Variants in LRP1 observed in about 807,000 individuals in gnomAD.
The protein encoded by LRP1 is prolow-density lipoprotein receptor-related protein 1.
Under a neutral mutation model 541.5 loss-of-function variants are expected in LRP1, and 51 were observed. The observed-to-expected ratio is 0.09, with a 90% CI of 0.08 to 0.12. LRP1 has a LOEUF of 0.12. Ranked by LOEUF, LRP1 falls within the 10% of genes least tolerant of loss-of-function variation. The probability of loss-of-function intolerance (pLI) is 1.00; values close to 1 mark genes in which losing one functional copy is unlikely to be tolerated. For synonymous variants in LRP1, 2,219 were observed against 2,470.8 expected (o/e 0.90, Z 3.02); for missense variants, 3,878 against 6,376.2 (o/e 0.61, Z 13.34).
chr12:57,172,885 G>T (rs1181838452), intron 20 of LRP1, among the ~76,000 whole-genome samples: 3 of 152,206 alleles, frequency 2.0e-5, no homozygotes, highest in Non-Finnish European at 2.9e-5. Context: ...AAGGAGGTGG[G>T]CATTTGGGCT....
intron 6 of LRP1, among the ~76,000 whole-genome samples, chr12:57,146,939 A>G (rs1315176916): frequency 6.6e-6 from 1 of 151,444 alleles, no homozygotes; most frequent in East Asian, 2.0e-4. Flanking sequence ...TTTCCTCCCC[A>G]GCCCTGCATC....
At chr12:57,166,753 C>A (rs765145226) in intron 17 of LRP1, among the ~76,000 whole-genome samples, 177 bp from the exon 18 acceptor site, 10 of 152,104 alleles carry the variant, frequency 6.6e-5, no homozygotes, top group Non-Finnish European at 1.5e-4. Context: ...CCAGAGACCC[C>A]TTGAGAGAAA....
chr12:57,208,456 T>G, intron 77 of LRP1: 1 of 598,268 alleles, frequency 1.7e-6, no homozygotes, highest in Non-Finnish European at 3.0e-6. Context: ...CCGGCTGTCA[T>G]GCACAGCCAC....
chr12:57,167,321 C>G (rs2136689008), intron 18 of LRP1, 123 bp from the exon 19 acceptor site: 1 of 759,022 alleles, frequency 1.3e-6, no homozygotes. Context: ...GCGGGGCCTT[C>G]CCCACCCTTC....
intron 11 of LRP1, 74 bp from the exon 12 acceptor site, chr12:57,159,751 C>T: frequency 6.6e-7 from 1 of 1,505,174 alleles, no homozygotes; most frequent in South Asian, 1.2e-5. Flanking sequence ...GTACCTGAGT[C>T]CGGGAGGGCC....
chr12:57,159,152 G>A (rs2035680480), intron 11 of LRP1, among the ~76,000 whole-genome samples: 1 of 152,224 alleles, frequency 6.6e-6, no homozygotes, highest in African/African-American at 2.4e-5. Context: ...TAATGTCTAT[G>A]TGAAGGATTC....
chr12:57,208,935 C>A, intron 78 of LRP1, 118 bp downstream of exon 78: 1 of 1,085,596 alleles, frequency 9.2e-7, no homozygotes, highest in Non-Finnish European at 1.4e-6. Context: ...TGGGGCAGGG[C>A]AGATTGGCCG....
chr12:57,211,039 C>T lies in LRP1; in HGVS notation c.12917-137C>T, dbSNP rs1042313114. ...GGCCCAAGCTGCTGGCGCTTCCCCA[C>T]AAAGGTGCTGGCACACTTCCCCTGA... On this transcript the variant is annotated intron_variant, in intron 83 of 88. Transcript: ENST00000243077. The surrounding 1 kb of genome is among the most constrained non-coding windows in gnomAD (Gnocchi z 4.3). 2.2e-6 allele frequency: 3 copies of T among 1,371,940 alleles called. No individual in the cohort carries two copies. 85.0% of individuals were successfully genotyped at this position (1,371,940 alleles called of 1,614,324 possible).
chr12:57,160,388 C>T (rs2035704136), intron 12 of LRP1, among the ~76,000 whole-genome samples: 1 of 152,104 alleles, frequency 6.6e-6, no homozygotes. Context: ...AAACAAGCAC[C>T]CCGGCTCCTC....
intron 33 of LRP1, 84 bp from the exon 34 acceptor site, chr12:57,181,073 C>A: frequency 6.6e-7 from 1 of 1,510,050 alleles, no homozygotes; most frequent in Non-Finnish European, 9.0e-7. Flanking sequence ...AGTGACCATC[C>A]TGTTTCTGAG....
At chr12:57,210,528 G>GCCCCCCCCCCCC in intron 82 of LRP1, 48 bp downstream of exon 82, 1 of 1,483,020 alleles carries the variant, frequency 6.7e-7, no homozygotes, top group Admixed American at 2.2e-5. Context: ...CTGGGCCCCA[G>GCCCCCCCCCCCC]CCCCGCCACC....
At chr12:57,176,997 G>A in intron 24 of LRP1, 44 bp from the exon 25 acceptor site, 1 of 1,542,266 alleles carries the variant, frequency 6.5e-7, no homozygotes, top group Non-Finnish European at 8.9e-7. Flanking sequence ...TTCATGCACA[G>A]CTCCCCAGGA....
chr12:57,164,118 C>A (rs547268622), intron 15 of LRP1, among the ~76,000 whole-genome samples: 1 of 152,198 alleles, frequency 6.6e-6, no homozygotes, highest in African/African-American at 2.4e-5. Context: ...TTGCAGTGAG[C>A]CGAGATTGTG....
chr12:57,202,087 C>A, intron 67 of LRP1, 182 bp downstream of exon 67: 4 of 726,280 alleles, frequency 5.5e-6, no homozygotes, highest in Non-Finnish European at 9.1e-6. Flanking sequence ...TTCCCCACAT[C>A]CACCCGTGCC....
rs539394560 is a variant in LRP1 at position 57,132,710 on chromosome 12, G to A, written c.67+3679G>A. ...CCCTCTCAGTTCATCTCTTACTGCC[G>A]AACCTTTGTGACATTCTCTGCCCTG... On this transcript the variant is annotated intron_variant, in intron 1 of 88. Transcript: ENST00000243077. 1.8e-4 allele frequency among the ~76,000 whole-genome samples: 27 copies of A among 152,166 alleles called. 1 individual carries two copies. Among genetic ancestry groups the A allele is most frequent in the Admixed American group, 1.7e-3 (26 of 15,290 alleles).
At chr12:57,149,368 TG>T (rs2035481302) in intron 6 of LRP1, 1 of 512,892 alleles carries the variant, frequency 1.9e-6, no homozygotes, top group Admixed American at 3.5e-5. Context: ...TCCTCTCTCC[TG>T]GCCCGGGCCA....
At chr12:57,166,270 G>A in intron 17 of LRP1, 61 bp downstream of exon 17, 1 of 1,530,954 alleles carries the variant, frequency 6.5e-7, no homozygotes, top group Non-Finnish European at 8.8e-7. Flanking sequence ...GGGGAGACGA[G>A]GGGGCCAGGT....
rs1284744183 is a variant in LRP1, at chr12:57,195,113, G to A, written c.8308+12G>A. On this transcript the variant is annotated intron_variant, in intron 51 of 88. Transcript: ENST00000243077. ...GGCTGCTCACTGTGGTAAGGAAGCT[G>A]GGATTGGGCCGGGGGAGGTGCCCCA... 18 of 1,611,182 alleles carry A rather than the reference G, an allele frequency of 1.1e-5. No individual in the cohort carries two copies. The highest frequency in any genetic ancestry group is 1.5e-5 in the Non-Finnish European group (18 of 1,177,570).
intron 1 of LRP1, among the ~76,000 whole-genome samples, chr12:57,134,340 TTCCC>T (rs1388817931): frequency 6.6e-6 from 1 of 152,160 alleles, no homozygotes; most frequent in Non-Finnish European, 1.5e-5. Context: ...CCCTATGCCC[TTCCC>T]TCCTCTCTGA....
Sources: gnomAD v4.1 joint callset for allele counts (sites outside exome capture counted in the v4.1 genomes callset) on GRCh38, gnomAD v4.1.1 for gene constraint, Gnocchi (gnomAD v3.1) non-coding constraint, MANE v1.5 for transcripts, NCBI Gene and HGNC (gene_info 2026-07-23, HGNC 2026-07-21) for gene names.